HERC3: variants seen among roughly 807,000 people sequenced by gnomAD.
The protein encoded by HERC3 is probable E3 ubiquitin-protein ligase HERC3.
Under a neutral mutation model 129.9 loss-of-function variants are expected in HERC3, and 58 were observed. The ratio of observed to expected loss-of-function variants is 0.45; its 90% CI spans 0.36 to 0.56. The LOEUF (loss-of-function observed/expected upper bound fraction) is 0.56. HERC3 is among the 20% of genes least tolerant of loss of function. The pLI, the probability that HERC3 is intolerant of heterozygous loss-of-function variation, is 0.00. For synonymous variants in HERC3, 430 were observed against 451.0 expected (o/e 0.95, Z 0.59); for missense variants, 835 against 1,244.2 (o/e 0.67, Z 4.95).
At position 88,667,507 on chromosome 4, in the gene HERC3, A is replaced by G. The variant is rs774030620; in HGVS notation, c.1443+19A>G. The G allele has an allele frequency of 1.5e-6, 2 of 1,344,004 alleles. No individual in the cohort carries two copies. The highest frequency in any genetic ancestry group is 1.5e-5 in the African/African-American group (1 of 67,802). The allele number at this position is 1,344,004 out of a possible 1,614,324, so 83.3% of individuals were successfully genotyped here. ...AGAACAGGTATGTTTCTATATTTGT[A>G]AAGTGCATTCTTAAAAATGCATTTT... is the stretch of plus-strand genomic sequence containing the variant. On this transcript the variant is annotated intron_variant, in intron 13 of 25. Coordinates refer to ENST00000402738, the MANE Select transcript of HERC3 (RefSeq NM_014606.3).
At chr4:88,618,393 A>C (rs1051158262) in intron 3 of HERC3, among the ~76,000 whole-genome samples, 1 of 152,198 alleles carries the variant, frequency 6.6e-6, no homozygotes, top group South Asian at 2.1e-4. Context: ...CATTCTGGCT[A>C]TTAGAGGCTT....
At chr4:88,532,173 C>A in the HERC3 span, among the ~76,000 whole-genome samples, 1 of 152,188 alleles carries the variant, frequency 6.6e-6, no homozygotes, top group Non-Finnish European at 1.5e-5. Context: ...GCCTGAAACA[C>A]TATATAGATA....
the HERC3 span, among the ~76,000 whole-genome samples, chr4:88,579,772 GA>G: frequency 4.6e-5 from 7 of 152,152 alleles, no homozygotes; most frequent in African/African-American, 1.7e-4. Flanking sequence ...AAGATGTTGA[GA>G]TAAGGAGACT....
At chr4:88,544,711 C>T in the HERC3 span, among the ~76,000 whole-genome samples, 2 of 152,166 alleles carry the variant, frequency 1.3e-5, no homozygotes, top group African/African-American at 4.8e-5. Flanking sequence ...AAATGTGGCA[C>T]ATATACACCA....
chr4:88,681,009 G>A, intron 20 of HERC3, 150 bp from the exon 21 acceptor site: 1 of 1,422,874 alleles, frequency 7.0e-7, no homozygotes, highest in East Asian at 2.5e-5. Context: ...AACAACTTTT[G>A]TCAGGGTGTT....
chr4:88,705,142 C>T (rs928627876), intron 25 of HERC3, among the ~76,000 whole-genome samples: 2 of 152,278 alleles, frequency 1.3e-5, no homozygotes, highest in African/African-American at 4.8e-5. Context: ...GCTGGGATTA[C>T]AGGTGTGAGC....
chr4:88,680,288 T>C (rs748889980), intron 20 of HERC3, 52 bp downstream of exon 20: 1 of 1,438,548 alleles, frequency 7.0e-7, no homozygotes, highest in South Asian at 1.4e-5. Context: ...AACTTTCTTT[T>C]TGTTGTCAGA....
chr4:88,613,831 G>A lies in HERC3; in HGVS notation c.226+7782G>A, dbSNP rs1403193203. Among the ~76,000 whole-genome samples the A allele has an allele frequency of 9.9e-5, 15 of 152,274 alleles. No individual in the cohort carries two copies. The South Asian group carries it at 2.7e-3, about 27-fold the overall frequency. ...ACCCCTTTCTGATTTTGGTGATAAT[G>A]GTTATAATCAAAACTAGTAGGATGT... On this transcript the variant is annotated intron_variant, in intron 3 of 25. Transcript: ENST00000402738.
upstream of HERC3, among the ~76,000 whole-genome samples, chr4:88,588,961 C>T (rs555588454): frequency 1.9e-4 from 29 of 152,154 alleles, no homozygotes; most frequent in Admixed American, 1.4e-3. Context: ...CCTTGCTCCT[C>T]GGGAGGCTAA....
chr4:88,635,593 A>C (rs1470281479), intron 3 of HERC3, among the ~76,000 whole-genome samples: 2 of 152,230 alleles, frequency 1.3e-5, no homozygotes, highest in African/African-American at 2.4e-5. Flanking sequence ...GATATTATCC[A>C]GGAGAACTTT....
chr4:88,527,983 G>A, the HERC3 span: 1 of 276,018 alleles, frequency 3.6e-6, no homozygotes, highest in South Asian at 4.0e-5. Flanking sequence ...CGGATAGCAA[G>A]CATCTTGCCC....
In HERC3 at chr4:88,678,053, C is replaced by A. The variant is rs762487811; in HGVS notation, c.2115C>A (p.His705Gln). ...CCAGAAGCCCCTTCCTGGTCCTTCA[C>A]GTTCGCAGGAACAACCTTGTTGGAG... ...LLARSPFLVL[H>Q]VRRNNLVGDA... The change falls in exon 19 of 26, where the codon CAC becomes CAA. Residue 705 changes from histidine (H) to glutamine (Q), a missense_variant. Physicochemically the swap from His to Gln is conservative, Grantham distance 24. Coordinates refer to ENST00000402738, the MANE Select transcript of HERC3 (RefSeq NM_014606.3). 1 of 1,613,836 alleles carries A rather than the reference C, an allele frequency of 6.2e-7. No homozygotes were observed.
At chr4:88,691,083 A>C (rs764371728) in intron 23 of HERC3, among the ~76,000 whole-genome samples, 5 of 152,236 alleles carry the variant, frequency 3.3e-5, no homozygotes, top group Non-Finnish European at 7.3e-5. Context: ...GATACTAGAA[A>C]GTAGAGAAGA....
At chr4:88,552,705 T>C in the HERC3 span, among the ~76,000 whole-genome samples, 1 of 152,222 alleles carries the variant, frequency 6.6e-6, no homozygotes, top group Non-Finnish European at 1.5e-5. Context: ...CACAACAGCA[T>C]AATAAAATCT....
intron 23 of HERC3, chr4:88,697,681 T>A: frequency 6.2e-7 from 1 of 1,612,086 alleles, no homozygotes; most frequent in Non-Finnish European, 8.5e-7. Flanking sequence ...CGCCATTACC[T>A]CCTCTGCCGC....
chr4:88,690,735 G>A (rs1733988917), intron 23 of HERC3: 1 of 452,850 alleles, frequency 2.2e-6, no homozygotes, highest in South Asian at 9.4e-5. Flanking sequence ...TTTTGTCTCT[G>A]TCTTTTTTGT....
At chr4:88,530,216 G>C in the HERC3 span, among the ~76,000 whole-genome samples, 1 of 152,064 alleles carries the variant, frequency 6.6e-6, no homozygotes. Context: ...CTTGAACCAG[G>C]GACGTGGAGG....
At chr4:88,557,205 G>T in the HERC3 span, among the ~76,000 whole-genome samples, 1 of 152,042 alleles carries the variant, frequency 6.6e-6, no homozygotes, top group Admixed American at 6.6e-5. Flanking sequence ...CTATCATAAT[G>T]ACTTCCCTAT....
In HERC3 at chr4:88,655,912, A is replaced by G; in HGVS notation, c.946A>G (p.Ile316Val). 1 of 1,614,096 alleles carries G rather than the reference A, an allele frequency of 6.2e-7. No individual in the cohort carries two copies. The highest frequency in any genetic ancestry group is 8.5e-7 in the Non-Finnish European group (1 of 1,179,954). The change falls in exon 9 of 26, where the codon ATC (isoleucine) becomes GTC (valine). Residue 316 changes from isoleucine (I) to valine (V), a missense_variant. Physicochemically the swap from Ile to Val is conservative, Grantham distance 29. Transcript: ENST00000402738. Reference protein sequence around the residue: ...TLAFVPSSGLIYAFGCGARGQ... With the variant: ...TLAFVPSSGLVYAFGCGARGQ... ...AGCCTTCGTGCCTTCTTCTGGACTC[A>G]TCTATGCATTTGGTTGTGGAGCAAG...
Sources: allele counts gnomAD v4.1 joint callset (sites outside exome capture counted in the v4.1 genomes callset), GRCh38; gene constraint gnomAD v4.1.1; transcripts MANE v1.5; gene names NCBI Gene and HGNC (gene_info 2026-07-23, HGNC 2026-07-21).